PCNX2: variants seen among roughly 807,000 people sequenced by gnomAD.
PCNX2 encodes the protein pecanex 2, also known as pecanex-like protein 2.
In PCNX2, 168 loss-of-function variants were observed where a neutral mutation model predicts 223.8. The observed-to-expected ratio is 0.75, with a 90% CI of 0.66 to 0.85. The LOEUF is 0.85. PCNX2 is among the 40% of genes least tolerant of loss of function. The pLI, the probability that PCNX2 is intolerant of heterozygous loss-of-function variation, is 0.00. For synonymous variants in PCNX2, 1,006 were observed against 1,052.6 expected (o/e 0.96, Z 0.86); for missense variants, 2,507 against 2,675.5 (o/e 0.94, Z 1.39).
chr1:233,190,493 T>C (rs908182057), intron 15 of PCNX2, among the ~76,000 whole-genome samples: 20 of 152,246 alleles, frequency 1.3e-4, no homozygotes, highest in African/African-American at 4.8e-4. Context: ...AATTGCTCTA[T>C]TTTTAACAAA....
At chr1:233,277,059 T>C (rs186226124) in intron 1 of PCNX2, among the ~76,000 whole-genome samples, 1 of 152,174 alleles carries the variant, frequency 6.6e-6, no homozygotes, top group East Asian at 1.9e-4. Flanking sequence ...AAGGTGAGCA[T>C]GGAGATTCCA....
intron 1 of PCNX2, among the ~76,000 whole-genome samples, chr1:233,268,726 G>A (rs1420707714): frequency 6.6e-6 from 1 of 152,142 alleles, no homozygotes; most frequent in African/African-American, 2.4e-5. Context: ...CACTGTTAGA[G>A]GGAGACAATT....
At chr1:233,199,823 T>TACAC (rs1680954587) in intron 14 of PCNX2, among the ~76,000 whole-genome samples, 1 of 146,746 alleles carries the variant, frequency 6.8e-6, no homozygotes, top group African/African-American at 2.7e-5. Flanking sequence ...CACACACACT[T>TACAC]ATATCCACTC....
intron 10 of PCNX2, among the ~76,000 whole-genome samples, chr1:233,218,818 ATG>A (rs1012691646): frequency 5.3e-5 from 8 of 152,230 alleles, no homozygotes; most frequent in African/African-American, 1.7e-4. Context: ...TGACCATGAA[ATG>A]TGTTTCAGAT....
In PCNX2 at chr1:233,252,647, G is replaced by C. The variant is rs1298082408; in HGVS notation, c.1976C>G (p.Thr659Arg). 1 of 1,609,862 alleles carries C rather than the reference G, an allele frequency of 6.2e-7. No individual in the cohort carries two copies. Among genetic ancestry groups the C allele is most frequent in the Non-Finnish European group, 8.5e-7 (1 of 1,178,932 alleles). The change falls in exon 6 of 34, where the codon ACA becomes AGA. Residue 659 changes from threonine to arginine, a missense_variant. Physicochemically the swap from Thr to Arg is moderately conservative, Grantham distance 71. This residue lies in a region of PCNX2 where 1,031 missense variants were observed against 1,021.7 expected (regional missense o/e 1.01). Coordinates refer to ENST00000258229, the MANE Select transcript of PCNX2 (RefSeq NM_014801.4). ...GPACTQPAKTTAFFQGNRQRQ... is the reference protein window; with the variant it reads ...GPACTQPAKTRAFFQGNRQRQ... ...TTAAGTAACTTATCCTTACAAGGCT[G>C]TGGTCTTGGCAGGCTGAGTGCATGC...
intron 7 of PCNX2, among the ~76,000 whole-genome samples, chr1:233,251,819 C>T (rs1659470093): frequency 1.3e-5 from 2 of 152,216 alleles, no homozygotes; most frequent in Non-Finnish European, 2.9e-5. Context: ...ATCCCTTATC[C>T]GTTGAACTTT....
chr1:233,140,312 C>T (rs1305441235), intron 19 of PCNX2, among the ~76,000 whole-genome samples: 1 of 152,156 alleles, frequency 6.6e-6, no homozygotes, highest in African/African-American at 2.4e-5. Flanking sequence ...AAACAAATCC[C>T]TGGGCAATAT....
chr1:233,107,169 C>T lies in PCNX2; in HGVS notation c.3838-11306G>A, dbSNP rs143970173. ...GGAGTTATCCTTCCTGCATTTTCTG[C>T]ACTTGAACATGTATTATACACACAC... On this transcript the variant is annotated intron_variant, in intron 21 of 33. Coordinates refer to ENST00000258229, the MANE Select transcript of PCNX2 (RefSeq NM_014801.4). 5.5e-3 allele frequency among the ~76,000 whole-genome samples: 827 copies of T among 151,280 alleles called. 8 individuals carry two copies. Among genetic ancestry groups the T allele is most frequent in the African/African-American group, 0.019 (762 of 41,172 alleles).
intron 32 of PCNX2, among the ~76,000 whole-genome samples, chr1:232,989,220 C>T (rs1425041979): frequency 2.6e-5 from 4 of 152,084 alleles, no homozygotes; most frequent in African/African-American, 7.2e-5. Flanking sequence ...TTTGGGAGGC[C>T]GAGGCAGGCA....
At chr1:233,289,020 C>A (rs1441170853) in intron 1 of PCNX2, 1 of 1,373,192 alleles carries the variant, frequency 7.3e-7, no homozygotes, top group Non-Finnish European at 1.0e-6. Flanking sequence ...CACGCGGATT[C>A]TCTTGCCCAC....
chr1:233,131,164 CTATT>C (rs1397329602), intron 21 of PCNX2, among the ~76,000 whole-genome samples: 2 of 152,164 alleles, frequency 1.3e-5, no homozygotes, highest in Non-Finnish European at 2.9e-5. Context: ...CAATAATTCT[CTATT>C]TAGTGAAACA....
intron 23 of PCNX2, among the ~76,000 whole-genome samples, chr1:233,079,362 A>T (rs1197320639): frequency 6.6e-6 from 1 of 151,956 alleles, no homozygotes; most frequent in Non-Finnish European, 1.5e-5. Flanking sequence ...CGTCTCTACT[A>T]AAAATACAAA....
intron 25 of PCNX2, among the ~76,000 whole-genome samples, chr1:233,039,435 T>C (rs574964893): frequency 6.6e-6 from 1 of 152,314 alleles, no homozygotes; most frequent in Admixed American, 6.5e-5. Flanking sequence ...ACTTACTTTA[T>C]AGAGCTGTTA....
At chr1:233,030,528 T>A (rs1395233009) in intron 25 of PCNX2, among the ~76,000 whole-genome samples, 1 of 152,246 alleles carries the variant, frequency 6.6e-6, no homozygotes, top group Non-Finnish European at 1.5e-5. Context: ...ACTTTTTGTC[T>A]TCCTTTTTAA....
intron 6 of PCNX2, 21 bp from the exon 7 acceptor site, chr1:233,252,520 C>A: frequency 3.2e-6 from 5 of 1,579,884 alleles, no homozygotes; most frequent in South Asian, 1.2e-5. Context: ...ATAAAAGTTT[C>A]AAAAAAAATG....
chr1:233,078,512 C>T (rs1347956080), intron 23 of PCNX2, among the ~76,000 whole-genome samples: 1 of 152,210 alleles, frequency 6.6e-6, no homozygotes, highest in Admixed American at 6.5e-5. Context: ...AACTAAGGAT[C>T]CTCCTCTCAC....
Position 233,174,239 on chromosome 1 carries a change from T to C in PCNX2, c.3273+3563A>G, listed in dbSNP as rs1679339145. On this transcript the variant is annotated intron_variant, in intron 17 of 33. Transcript: ENST00000258229. ...AAAATTATGTTATATATTTAATTTA[T>C]ATTTTATATAAATTATATATAATAT... 2.8e-5 allele frequency among the ~76,000 whole-genome samples: 4 copies of C among 140,428 alleles called. 1 individual carries two copies. In the East Asian group the frequency reaches 8.2e-4, roughly 29 times the overall value. The allele number at this position is 140,428 out of a possible 152,430, so 92.1% of individuals were successfully genotyped here. A position where few individuals can be genotyped will look rare whatever the true frequency, so the allele number is the denominator to read the frequency against.
At chr1:233,234,098 ACTT>A (rs1658240349) in intron 9 of PCNX2, among the ~76,000 whole-genome samples, 2 of 152,182 alleles carry the variant, frequency 1.3e-5, no homozygotes, top group Admixed American at 1.3e-4. Context: ...TGGCTGTTAA[ACTT>A]CTTGTAGGCA....
the PCNX2 span, among the ~76,000 whole-genome samples, chr1:233,323,280 G>T: frequency 1.3e-5 from 2 of 152,198 alleles, no homozygotes; most frequent in African/African-American, 4.8e-5. Context: ...TGGGGAAAGT[G>T]TTAATGTTTT....
Sources: gnomAD v4.1 joint callset for allele counts (sites outside exome capture counted in the v4.1 genomes callset) on GRCh38, gnomAD v4.1.1 for gene constraint, gnomAD v4.1.1 regional missense constraint, MANE v1.5 for transcripts, NCBI Gene and HGNC (gene_info 2026-07-23, HGNC 2026-07-21) for gene names.